DSCAML1: variants seen among roughly 807,000 people sequenced by gnomAD.
The protein encoded by DSCAML1 is DS cell adhesion molecule like 1.
A neutral mutation model predicts 200.5 loss-of-function variants in DSCAML1; 38 were observed. That is an observed-to-expected ratio of 0.19 (90% confidence interval 0.15 to 0.25). The LOEUF is 0.25. Among genes scored for constraint, DSCAML1 ranks in the 10% least tolerant of loss-of-function variants. DSCAML1 has a pLI of 1.00. For synonymous variants in DSCAML1, 1,215 were observed against 1,165.0 expected, an observed-to-expected ratio of 1.04 and a Z score of -0.87; for missense variants, 2,223 against 2,858.8, an observed-to-expected ratio of 0.78 and a Z score of 5.07.
In DSCAML1 at chr11:117,503,745, G is replaced by A; in HGVS notation, c.2359+100C>T. ...GAAGCCTTCCTGCCTCCCCTTCATAGATGAAACGACGGAGACTAAGAGAGT... is the reference window on the plus strand; with the variant it reads ...GAAGCCTTCCTGCCTCCCCTTCATAAATGAAACGACGGAGACTAAGAGAGT... On this transcript the variant is annotated intron_variant, in intron 11 of 32. Transcript: ENST00000651296. The surrounding 1 kb of genome is among the most constrained non-coding windows in gnomAD (Gnocchi z 5.2). The A allele has an allele frequency of 7.3e-7, 1 of 1,363,736 alleles. No homozygotes were observed. Among genetic ancestry groups the A allele is most frequent in the Non-Finnish European group, 9.9e-7 (1 of 1,010,360 alleles). The allele number at this position is 1,363,736 out of a possible 1,614,324, so 84.5% of individuals were successfully genotyped here.
Position 117,428,345 on chromosome 11 carries a change from A to G in DSCAML1, c.6145T>C (p.Ser2049Pro). 6.4e-7 allele frequency: 1 copy of G among 1,567,152 alleles called. No homozygotes were observed. Among genetic ancestry groups the G allele is most frequent in the Non-Finnish European group, 8.7e-7 (1 of 1,146,534 alleles). The change falls in exon 33 of 33, where the codon TCC (serine) becomes CCC (proline). Residue 2049 changes from serine to proline, a missense_variant. Around this residue, in one of 7 missense-constraint regions of DSCAML1, gnomAD observed 280 missense variants for 213.4 expected, o/e 1.31. Transcript: ENST00000651296. ...TGCGGGCCCTACACCAGGGTGTAGGATTTGGAGTAGGCCCCGGCCCCCTGC... is the reference window on the plus strand; with the variant it reads ...TGCGGGCCCTACACCAGGGTGTAGGGTTTGGAGTAGGCCCCGGCCCCCTGC... The part of the protein sequence containing the change: ...QKQGAGAYSK[S>P]YTLV
intron 3 of DSCAML1, among the ~76,000 whole-genome samples, chr11:117,751,889 T>C (rs2054611721): frequency 6.6e-6 from 1 of 152,176 alleles, no homozygotes; most frequent in South Asian, 2.1e-4. Flanking sequence ...ACCAGGTCTA[T>C]GTCTGGATCC....
intron 3 of DSCAML1, among the ~76,000 whole-genome samples, chr11:117,753,303 G>A (rs981197986): frequency 2.6e-5 from 4 of 152,134 alleles, no homozygotes; most frequent in Admixed American, 6.5e-5. Flanking sequence ...AGAAAGAGGT[G>A]GTGTGAAAAC....
At chr11:117,551,063 C>T (rs1281420271) in intron 3 of DSCAML1, among the ~76,000 whole-genome samples, 3 of 152,148 alleles carry the variant, frequency 2.0e-5, no homozygotes, top group Non-Finnish European at 4.4e-5. Flanking sequence ...TTCCTGCCCC[C>T]TCTTCTCAGG....
At chr11:117,698,682 C>T (rs887696869) in intron 3 of DSCAML1, among the ~76,000 whole-genome samples, 3 of 152,160 alleles carry the variant, frequency 2.0e-5, no homozygotes, top group African/African-American at 7.2e-5. Context: ...ATGACCGATG[C>T]TGAGCATCTT....
At chr11:117,467,433 T>C (rs1178314334) in intron 16 of DSCAML1, among the ~76,000 whole-genome samples, 1 of 152,154 alleles carries the variant, frequency 6.6e-6, no homozygotes, top group Non-Finnish European at 1.5e-5. Context: ...ACAATGAAGT[T>C]AATTTAAAAG....
At chr11:117,445,222 G>A (rs1452626431) in intron 20 of DSCAML1, among the ~76,000 whole-genome samples, 1 of 152,200 alleles carries the variant, frequency 6.6e-6, no homozygotes, top group Non-Finnish European at 1.5e-5. Flanking sequence ...GCCATCTGCA[G>A]GGAAATGTTA....
intron 11 of DSCAML1, among the ~76,000 whole-genome samples, chr11:117,487,195 G>T (rs1433730192): frequency 6.6e-6 from 1 of 151,998 alleles, no homozygotes; most frequent in Non-Finnish European, 1.5e-5. Flanking sequence ...AAAGTGCTGG[G>T]ATTACAGGTG....
chr11:117,745,661 T>C (rs889117464), intron 3 of DSCAML1, among the ~76,000 whole-genome samples: 1 of 152,162 alleles, frequency 6.6e-6, no homozygotes, highest in Non-Finnish European at 1.5e-5. Flanking sequence ...AATGGCTCCC[T>C]CCCTTCACAG....
intron 14 of DSCAML1, among the ~76,000 whole-genome samples, chr11:117,473,798 A>C (rs566087232): frequency 5.9e-5 from 9 of 152,290 alleles, no homozygotes; most frequent in African/African-American, 1.9e-4. Flanking sequence ...CACCCTAACC[A>C]CGGGAGGGTC....
intron 3 of DSCAML1, among the ~76,000 whole-genome samples, chr11:117,695,009 A>T (rs1199642023): frequency 6.6e-6 from 1 of 152,222 alleles, no homozygotes; most frequent in Non-Finnish European, 1.5e-5. Context: ...TGTACACAGC[A>T]TGACAGAAAG....
chr11:117,509,829 A>AC (rs2049583382), intron 8 of DSCAML1, among the ~76,000 whole-genome samples: 1 of 151,856 alleles, frequency 6.6e-6, no homozygotes, highest in Non-Finnish European at 1.5e-5. Flanking sequence ...GTGGGGTCTG[A>AC]CCCCCTGCAC....
chr11:117,626,683 G>A (rs1287295440), intron 3 of DSCAML1, among the ~76,000 whole-genome samples: 5 of 152,106 alleles, frequency 3.3e-5, no homozygotes, highest in Admixed American at 2.0e-4. Flanking sequence ...TGCAGGAGGC[G>A]CTTATTTTCC....
intron 3 of DSCAML1, among the ~76,000 whole-genome samples, chr11:117,756,134 G>C (rs1425469132): frequency 6.6e-6 from 1 of 152,228 alleles, no homozygotes; most frequent in African/African-American, 2.4e-5. Context: ...AAAAAGAAAA[G>C]TGGCTCAGGG....
chr11:117,552,903 C>T (rs1364783795), intron 3 of DSCAML1, among the ~76,000 whole-genome samples: 7 of 152,168 alleles, frequency 4.6e-5, no homozygotes, highest in Admixed American at 1.3e-4. Flanking sequence ...ACTACAAGTG[C>T]GCGATGTGCT....
chr11:117,442,233 T>TGC (rs1204683028), intron 21 of DSCAML1, among the ~76,000 whole-genome samples: 9 of 150,544 alleles, frequency 6.0e-5, no homozygotes, highest in African/African-American at 2.2e-4. Flanking sequence ...AGTGTGTGTG[T>TGC]GCGTGTGTAT....
At chr11:117,656,906 C>A (rs774374336) in intron 3 of DSCAML1, among the ~76,000 whole-genome samples, 1 of 152,232 alleles carries the variant, frequency 6.6e-6, no homozygotes, top group Non-Finnish European at 1.5e-5. Flanking sequence ...AGTGCTATGT[C>A]ATCTGGCTAT....
rs969070349 is a variant in DSCAML1, at chr11:117,463,617, C to T, written c.3265+1325G>A. ...GGAGACAAGCTGATCTTCCTCAATC[C>T]AGCCAGGCCCGAGGCCAGCATCTCA... is the stretch of plus-strand genomic sequence containing the variant. On this transcript the variant is annotated intron_variant, in intron 17 of 32. Transcript: ENST00000651296. The surrounding 1 kb of genome is among the most constrained non-coding windows in gnomAD (Gnocchi z 4.0). Among the ~76,000 whole-genome samples, 2 of 152,152 alleles carry T rather than the reference C, an allele frequency of 1.3e-5. No individual in the cohort carries two copies. The highest frequency in any genetic ancestry group is 2.9e-5 in the Non-Finnish European group (2 of 68,024).
intron 3 of DSCAML1, among the ~76,000 whole-genome samples, chr11:117,595,464 T>A (rs1389253136): frequency 6.6e-6 from 1 of 152,202 alleles, no homozygotes; most frequent in Non-Finnish European, 1.5e-5. Flanking sequence ...CTTTTTTCAT[T>A]TTATATTCCA....
Sources: allele counts gnomAD v4.1 joint callset (sites outside exome capture counted in the v4.1 genomes callset), GRCh38; gene constraint gnomAD v4.1.1; regional missense constraint gnomAD v4.1.1; non-coding constraint Gnocchi (gnomAD v3.1); transcripts MANE v1.5; gene names NCBI Gene and HGNC (gene_info 2026-07-23, HGNC 2026-07-21).